RARB: variants seen among roughly 807,000 people sequenced by gnomAD.
RARB encodes HBV-activated protein.
In RARB, 17 loss-of-function variants were observed where a neutral mutation model predicts 51.9. That is an observed-to-expected ratio of 0.33 (90% CI 0.22 to 0.49). RARB has a LOEUF of 0.49. Among genes scored for constraint, RARB ranks in the 20% least tolerant of loss-of-function variants. The pLI is 0.99. For missense variants in RARB, 369 were observed against 550.8 expected, an observed-to-expected ratio of 0.67 and a Z score of 3.30; for synonymous variants, 215 against 195.4, an observed-to-expected ratio of 1.10 and a Z score of -0.84.
intron 1 of RARB, among the ~76,000 whole-genome samples, chr3:24,851,959 C>T (rs148182696): frequency 2.0e-5 from 3 of 152,278 alleles, no homozygotes; most frequent in East Asian, 1.9e-4. Flanking sequence ...GAGTAGTAAG[C>T]GGAAGCCCAT....
chr3:24,840,080 G>A (rs1702400657), intron 1 of RARB, among the ~76,000 whole-genome samples: 1 of 152,154 alleles, frequency 6.6e-6, no homozygotes, highest in East Asian at 1.9e-4. Flanking sequence ...TTTTCTGAGT[G>A]TAGGTTTTCT....
intron 1 of RARB, among the ~76,000 whole-genome samples, chr3:24,843,604 T>C (rs988265707): frequency 6.6e-6 from 1 of 152,108 alleles, no homozygotes; most frequent in Non-Finnish European, 1.5e-5. Flanking sequence ...ATCAAACTAA[T>C]ATATCAGATC....
chr3:25,167,343 A>T (rs1264874449), intron 4 of RARB, among the ~76,000 whole-genome samples: 1 of 152,244 alleles, frequency 6.6e-6, no homozygotes, highest in Non-Finnish European at 1.5e-5. Context: ...ATCATCAAAG[A>T]TAACAAGAAT....
intron 2 of RARB, among the ~76,000 whole-genome samples, chr3:24,912,975 C>T (rs13067142): frequency 0.24 from 18,122 of 75,038 alleles, 1,992 homozygotes; most frequent in Admixed American, 0.25. Flanking sequence ...GGTACTGATT[C>T]TTTTTTTTTT....
intron 5 of RARB, among the ~76,000 whole-genome samples, chr3:25,584,940 C>G (rs996644005): frequency 1.3e-5 from 2 of 151,968 alleles, no homozygotes; most frequent in Non-Finnish European, 2.9e-5. Flanking sequence ...GTATTTATCT[C>G]CTCCCCTCAC....
At chr3:25,566,825 G>C (rs1433272455) in intron 3 of RARB, among the ~76,000 whole-genome samples, 1 of 152,180 alleles carries the variant, frequency 6.6e-6, no homozygotes, top group African/African-American at 2.4e-5. Flanking sequence ...TTGTTAGTTT[G>C]TTTTGTGGTT....
chr3:25,178,598 T>C (rs1018632377), intron 5 of RARB, among the ~76,000 whole-genome samples: 1 of 151,918 alleles, frequency 6.6e-6, no homozygotes, highest in Non-Finnish European at 1.5e-5. Flanking sequence ...CCTTGGAAAA[T>C]TGACAGCTCC....
intron 5 of RARB, among the ~76,000 whole-genome samples, chr3:25,185,404 A>G (rs1377343482): frequency 6.6e-6 from 1 of 152,108 alleles, no homozygotes; most frequent in African/African-American, 2.4e-5. Flanking sequence ...TCCTTTATAA[A>G]CAATCTCTAA....
At chr3:25,324,990 A>T (rs1369439726) in intron 5 of RARB, among the ~76,000 whole-genome samples, 2 of 152,230 alleles carry the variant, frequency 1.3e-5, no homozygotes, top group Admixed American at 6.5e-5. Context: ...ATAAAGTGAA[A>T]GCAAGTTTAT....
At chr3:25,186,325 T>A (rs538042354) in intron 5 of RARB, among the ~76,000 whole-genome samples, 1 of 152,128 alleles carries the variant, frequency 6.6e-6, no homozygotes, top group South Asian at 2.1e-4. Context: ...GATCATCAGA[T>A]ACTTTGAAAC....
intron 2 of RARB, among the ~76,000 whole-genome samples, chr3:24,875,899 C>A (rs1032969206): frequency 6.6e-6 from 1 of 152,066 alleles, no homozygotes. Context: ...ATTCTTTATT[C>A]CTCCCTTGTC....
chr3:25,173,661 A>G (rs182733689), intron 4 of RARB, among the ~76,000 whole-genome samples: 1 of 152,346 alleles, frequency 6.6e-6, no homozygotes, highest in African/African-American at 2.4e-5. Flanking sequence ...AAAGCAAGAA[A>G]AAAAATTTCA....
At chr3:24,958,255 GTTTTTT>G (rs71057692) in intron 2 of RARB, among the ~76,000 whole-genome samples, 21 of 69,472 alleles carry the variant, frequency 3.0e-4, no homozygotes, top group Admixed American at 1.3e-3. Flanking sequence ...AGCTGCTCAG[GTTTTTT>G]TTTTTTTTTT....
At chr3:24,953,026 C>T (rs553484990) in intron 2 of RARB, among the ~76,000 whole-genome samples, 17 of 152,008 alleles carry the variant, frequency 1.1e-4, no homozygotes, top group African/African-American at 4.1e-4. Context: ...GCCAAAAAAC[C>T]CTTTGCTTGT....
At chr3:25,547,948 G>C (rs2125663621) in intron 3 of RARB, among the ~76,000 whole-genome samples, 1 of 152,154 alleles carries the variant, frequency 6.6e-6, no homozygotes, top group Non-Finnish European at 1.5e-5. Flanking sequence ...CCTCATTTCT[G>C]TTGGAAGTAA....
intron 2 of RARB, among the ~76,000 whole-genome samples, chr3:24,937,267 C>T (rs1391588204): frequency 1.3e-5 from 2 of 152,062 alleles, no homozygotes; most frequent in Non-Finnish European, 2.9e-5. Context: ...AAACTAGTTG[C>T]TACTCAATTT....
intron 5 of RARB, among the ~76,000 whole-genome samples, chr3:25,327,776 A>G (rs1317656252): frequency 6.6e-6 from 1 of 152,232 alleles, no homozygotes; most frequent in African/African-American, 2.4e-5. Flanking sequence ...CTAGAAAGAA[A>G]CAAGCTGAGA....
chr3:25,531,372 GTAGATAGA>G (rs1239202273), intron 3 of RARB, among the ~76,000 whole-genome samples: 2 of 131,530 alleles, frequency 1.5e-5, no homozygotes, highest in South Asian at 2.4e-4. Flanking sequence ...AGATAGATAG[GTAGATAGA>G]TAGATAGGTA....
intron 5 of RARB, among the ~76,000 whole-genome samples, chr3:25,390,566 G>A (rs1268115314): frequency 6.6e-6 from 1 of 151,118 alleles, no homozygotes; most frequent in Admixed American, 6.7e-5. Flanking sequence ...AATATTAGAA[G>A]ACCCGTTCAT....
Sources: gnomAD v4.1 joint callset for allele counts (sites outside exome capture counted in the v4.1 genomes callset) on GRCh38, gnomAD v4.1.1 for gene constraint, MANE v1.5 for transcripts, NCBI Gene and HGNC (gene_info 2026-07-23, HGNC 2026-07-21) for gene names.